Variants in NAV2 observed in about 807,000 individuals in gnomAD.
NAV2 encodes the protein helicase, APC down-regulated 1.
Under a neutral mutation model 223.2 loss-of-function variants are expected in NAV2, and 54 were observed. The observed-to-expected ratio is 0.24, with a 90% CI of 0.19 to 0.30. NAV2 has a LOEUF of 0.30. NAV2 is among the 10% of genes least tolerant of loss of function. The pLI, the probability that NAV2 is intolerant of heterozygous loss-of-function variation, is 1.00. For synonymous variants in NAV2, 1,279 were observed against 1,239.3 expected (o/e 1.03, Z -0.67); for missense variants, 2,806 against 3,147.5 (o/e 0.89, Z 2.60).
At chr11:19,416,419 C>T (rs533632045) in intron 1 of NAV2, among the ~76,000 whole-genome samples, 1 of 152,256 alleles carries the variant, frequency 6.6e-6, no homozygotes, top group South Asian at 2.1e-4. Flanking sequence ...AGGAGAACTA[C>T]AAAGCACTGC....
chr11:19,484,086 C>T (rs2042363506), intron 1 of NAV2, among the ~76,000 whole-genome samples: 1 of 151,542 alleles, frequency 6.6e-6, no homozygotes, highest in Non-Finnish European at 1.5e-5. Context: ...ATCTCCATCT[C>T]CTCCACGCCC....
chr11:19,942,156 T>G (rs965879898), intron 8 of NAV2, among the ~76,000 whole-genome samples: 7 of 152,200 alleles, frequency 4.6e-5, no homozygotes, highest in Non-Finnish European at 1.0e-4. Context: ...CCACTGGAGC[T>G]CGATTGTGTT....
At chr11:19,551,921 C>T (rs1370402287) in intron 1 of NAV2, among the ~76,000 whole-genome samples, 1 of 150,708 alleles carries the variant, frequency 6.6e-6, no homozygotes, top group Non-Finnish European at 1.5e-5. Context: ...CTCTCTCTCT[C>T]TTTCTCCACA....
rs565412908 is a variant in NAV2, at chr11:19,750,371, T to C, written c.267+36409T>C. 5.9e-5 allele frequency among the ~76,000 whole-genome samples: 9 copies of C among 152,370 alleles called. No homozygotes were observed. The South Asian group carries it at 1.7e-3, about 28-fold the overall frequency. On this transcript the variant is annotated intron_variant, in intron 1 of 37. Coordinates refer to ENST00000349880, the MANE Select transcript of NAV2 (RefSeq NM_145117.5). The stretch of plus-strand genomic sequence containing the variant: ...ACATCTTTTTCTCTCACAACTGCCA[T>C]GTGTCTCATTTTCTCCCCAGGTATT...
chr11:19,549,314 G>T (rs1318462512), intron 1 of NAV2, among the ~76,000 whole-genome samples: 1 of 152,158 alleles, frequency 6.6e-6, no homozygotes, highest in Non-Finnish European at 1.5e-5. Context: ...GATCCTCCTG[G>T]AGCCACTCGG....
intron 8 of NAV2, among the ~76,000 whole-genome samples, chr11:19,942,146 C>G (rs758548623): frequency 2.6e-4 from 40 of 152,232 alleles, no homozygotes; most frequent in Non-Finnish European, 5.6e-4. Context: ...CCTGCTGTTT[C>G]CACTGGAGCT....
At chr11:19,618,363 T>C (rs2046863240) in intron 1 of NAV2, among the ~76,000 whole-genome samples, 2 of 93,050 alleles carry the variant, frequency 2.1e-5, no homozygotes. Context: ...GCTGGATGGA[T>C]GGATGGATGG....
chr11:19,499,661 CATAACACCCATCTTTCAGGGTT>C (rs1176712150), intron 1 of NAV2, among the ~76,000 whole-genome samples: 2 of 152,156 alleles, frequency 1.3e-5, no homozygotes, highest in African/African-American at 2.4e-5. Flanking sequence ...TAGGGATAAG[CATAACACCCATCTTTCAGGGTT>C]ATTGTGTAGA....
intron 1 of NAV2, among the ~76,000 whole-genome samples, chr11:19,757,292 G>C (rs1231235731): frequency 1.3e-5 from 2 of 152,064 alleles, no homozygotes; most frequent in Non-Finnish European, 2.9e-5. Context: ...AACACAGTTG[G>C]CCTCAACGCG....
intron 1 of NAV2, among the ~76,000 whole-genome samples, chr11:19,706,370 A>C (rs1319724028): frequency 3.9e-5 from 6 of 152,192 alleles, no homozygotes; most frequent in Admixed American, 3.9e-4. Flanking sequence ...AAGCAAAAAA[A>C]TTCTCTCTAT....
At chr11:19,369,592 T>C (rs1848403640) in intron 1 of NAV2, among the ~76,000 whole-genome samples, 2 of 152,152 alleles carry the variant, frequency 1.3e-5, no homozygotes, top group Admixed American at 6.5e-5. Flanking sequence ...GAGATTTTCT[T>C]TGAGCTAGGT....
At chr11:19,761,332 A>G (rs1361829015) in intron 1 of NAV2, among the ~76,000 whole-genome samples, 1 of 152,224 alleles carries the variant, frequency 6.6e-6, no homozygotes, top group African/African-American at 2.4e-5. Flanking sequence ...GATGTAGACA[A>G]AACACGAGTA....
intron 1 of NAV2, among the ~76,000 whole-genome samples, chr11:19,427,289 A>G (rs748224595): frequency 1.4e-4 from 21 of 152,250 alleles, no homozygotes; most frequent in Admixed American, 3.9e-4. Context: ...TAATGCATAT[A>G]AAGCTCTATG....
At chr11:19,908,531 A>G (rs1320026702) in intron 6 of NAV2, among the ~76,000 whole-genome samples, 1 of 152,230 alleles carries the variant, frequency 6.6e-6, no homozygotes, top group Non-Finnish European at 1.5e-5. Flanking sequence ...GAAATAGCCT[A>G]CGCTCTGTGC....
intron 1 of NAV2, among the ~76,000 whole-genome samples, chr11:19,488,343 AC>A (rs1162791518): frequency 6.6e-6 from 1 of 152,256 alleles, no homozygotes; most frequent in Non-Finnish European, 1.5e-5. Context: ...TGCATTTGAG[AC>A]TGTCATCCTT....
At chr11:19,827,549 T>C (rs1005462813) in intron 1 of NAV2, among the ~76,000 whole-genome samples, 15 of 152,302 alleles carry the variant, frequency 9.8e-5, no homozygotes, top group Middle Eastern at 3.4e-3. Context: ...GAAACTAACA[T>C]TGCCCAGGGC....
intron 1 of NAV2, among the ~76,000 whole-genome samples, chr11:19,591,481 A>T (rs779787525): frequency 4.6e-5 from 7 of 152,210 alleles, no homozygotes; most frequent in Non-Finnish European, 8.8e-5. Context: ...TGAGAATAGC[A>T]GATGACCAAC....
chr11:19,614,544 T>C (rs2046738414), intron 1 of NAV2, among the ~76,000 whole-genome samples: 1 of 152,182 alleles, frequency 6.6e-6, no homozygotes, highest in South Asian at 2.1e-4. Flanking sequence ...CGCACCAGTG[T>C]GTGGTGCAGT....
At chr11:19,818,362 C>A (rs1348728874) in intron 1 of NAV2, among the ~76,000 whole-genome samples, 2 of 148,154 alleles carry the variant, frequency 1.3e-5, no homozygotes, top group Admixed American at 6.8e-5. Flanking sequence ...GGTGTAAATC[C>A]TTCTACCAAG....
Sources: allele counts gnomAD v4.1 joint callset (sites outside exome capture counted in the v4.1 genomes callset), GRCh38; gene constraint gnomAD v4.1.1; transcripts MANE v1.5; gene names NCBI Gene and HGNC (gene_info 2026-07-23, HGNC 2026-07-21).